NBPF26: variants seen among roughly 807,000 people sequenced by gnomAD.
NBPF26 encodes the protein NBPF family member NBPF26.
Under a neutral mutation model 119.6 loss-of-function variants are expected in NBPF26, and 79 were observed. The observed-to-expected ratio is 0.66, with a 90% CI of 0.55 to 0.80. The LOEUF is 0.80. Ranked by LOEUF, NBPF26 falls within the 30% of genes least tolerant of loss-of-function variation. The probability of loss-of-function intolerance (pLI) is 0.00; values close to 1 mark genes in which losing one functional copy is unlikely to be tolerated. For synonymous variants in NBPF26, 299 were observed against 457.7 expected (o/e 0.65, Z 4.43); for missense variants, 800 against 1,198.2 (o/e 0.67, Z 4.91).
intron 1 of NBPF26, among the ~76,000 whole-genome samples, chr1:120,737,864 GTTT>G (rs1650922704): frequency 9.5e-6 from 1 of 105,544 alleles, no homozygotes; most frequent in Non-Finnish European, 1.8e-5. Flanking sequence ...TGGTTGTCAG[GTTT>G]TTATTTTGTT....
At position 120,793,801 on chromosome 1, in the gene NBPF26, A is replaced by T. The variant is rs1350306581; in HGVS notation, c.751+305A>T. On this transcript the variant is annotated intron_variant, in intron 4 of 29. Transcript: ENST00000620612. Reference sequence around the variant, plus strand: ...CTGGGAAAGAGACAGGCAAGTCTGGAATGGAAAAGAACACGATGAGAATTA... The same window carrying T: ...CTGGGAAAGAGACAGGCAAGTCTGGTATGGAAAAGAACACGATGAGAATTA... The T allele has an allele frequency of 1.2e-4, 124 of 996,380 alleles. 26 individuals are homozygous for T. Among genetic ancestry groups the T allele is most frequent in the Non-Finnish European group, 1.6e-4 (109 of 677,664 alleles). 61.7% of individuals were successfully genotyped at this position (996,380 alleles called of 1,614,324 possible).
At chr1:120,840,295 C>T in intron 29 of NBPF26, 55 bp from the exon 36 acceptor site, 2 of 1,444,646 alleles carry the variant, frequency 1.4e-6, no homozygotes, top group Non-Finnish European at 1.8e-6. Context: ...TCTAGTGGGG[C>T]TCTGTGGTGT....
chr1:120,823,940 C>A lies in NBPF26; in HGVS notation c.2640-34C>A, dbSNP rs1477518234. On this transcript the variant is annotated intron_variant, in intron 17 of 29. Coordinates refer to ENST00000620612, the Ensembl canonical transcript of NBPF26. The stretch of plus-strand genomic sequence containing the variant: ...GGGGCTGTGTGGTTTCTGATTCCCC[C>A]TGGCTTATTCTTTACTTTTTCCCAC... 2.9e-5 allele frequency: 16 copies of A among 547,952 alleles called. 1 individual carries two copies. The highest frequency in any genetic ancestry group is 2.1e-4 in the East Asian group (7 of 33,850). 33.9% of individuals were successfully genotyped at this position (547,952 alleles called of 1,614,324 possible).
chr1:120,777,754 G>T (rs1651315056), intron 2 of NBPF26, among the ~76,000 whole-genome samples: 1 of 96,440 alleles, frequency 1.0e-5, no homozygotes, highest in Non-Finnish European at 1.9e-5. Flanking sequence ...CTCTTTACCA[G>T]GAAGTTAACT....
chr1:120,807,150 T>C (rs1312441737), intron 5 of NBPF26, among the ~76,000 whole-genome samples: 1 of 129,572 alleles, frequency 7.7e-6, no homozygotes, highest in Non-Finnish European at 1.6e-5. Flanking sequence ...AAATGAAATA[T>C]TTTTAAAGTC....
rs1651882003 is a variant in NBPF26 at position 120,812,047 on chromosome 1, T to TAGAA, written c.1726_1727insAGAA (p.Phe576Ter). ...GTTCAGAAACCTCAAAGAGAAATGTTTTCTAACTCAACTGGCCGGCTTCCT... is the reference window on the plus strand; with the variant it reads ...GTTCAGAAACCTCAAAGAGAAATGTTAGAATTCTAACTCAACTGGCCGGCTTCCT... On this transcript the variant is annotated stop_gained and frameshift_variant, in exon 10 of 30. Coordinates refer to ENST00000620612, the Ensembl canonical transcript of NBPF26. LOFTEE classifies it high-confidence loss of function. The TAGAA allele has an allele frequency of 2.3e-6, 3 of 1,286,190 alleles. 1 individual carries two copies. The African/African-American group carries it at 8.6e-5, about 37-fold the overall frequency. The allele number at this position is 1,286,190 out of a possible 1,614,324, so 79.7% of individuals were successfully genotyped here. A position where few individuals can be genotyped will look rare whatever the true frequency, so the allele number is the denominator to read the frequency against.
In NBPF26 at chr1:120,823,305, G is replaced by C; in HGVS notation, c.2588-4G>C. ...TAAGAGGGCCCATCTGAATTTATTT[G>C]CAGGACATCGGTGGGATCAAGTGAA... is the stretch of plus-strand genomic sequence containing the variant. On this transcript the variant is annotated splice_region_variant and splice_polypyrimidine_tract_variant and intron_variant, in intron 16 of 29. Transcript: ENST00000620612. The C allele has an allele frequency of 2.2e-6, 3 of 1,379,272 alleles. 1 individual carries two copies. The highest frequency in any genetic ancestry group is 2.9e-6 in the Non-Finnish European group (3 of 1,030,106). 85.4% of individuals were successfully genotyped at this position (1,379,272 alleles called of 1,614,324 possible). A position where few individuals can be genotyped will look rare whatever the true frequency, so the allele number is the denominator to read the frequency against.
intron 3 of NBPF26, among the ~76,000 whole-genome samples, chr1:120,791,735 A>T (rs1372499720): frequency 1.5e-5 from 1 of 64,700 alleles, no homozygotes; most frequent in Non-Finnish European, 2.6e-5. Flanking sequence ...AACATGGCAC[A>T]TATATACATA....
intron 14 of NBPF26, 39 bp downstream of exon 14, chr1:120,816,866 G>A (rs1652018995): frequency 6.9e-7 from 1 of 1,450,986 alleles, no homozygotes; most frequent in African/African-American, 2.5e-5. Flanking sequence ...CCTCTTTCTT[G>A]GCTGAGGAAG....
rs1652199832 is a variant in NBPF26, at chr1:120,824,039, A to G, written c.2705A>G (p.Tyr902Cys). 1.8e-5 allele frequency: 10 copies of G among 562,892 alleles called. 2 individuals are homozygous for G. The highest frequency in any genetic ancestry group is 2.8e-5 in the Non-Finnish European group (9 of 325,710). 34.9% of individuals were successfully genotyped at this position (562,892 alleles called of 1,614,324 possible). ...TTGCAGGACTCACTGGATAGATGTT[A>G]TTCAACTCCTTCAGGTTGTCTTGAA... Residue 902 changes from tyrosine (Y) to cysteine (C), a missense_variant, in exon 18 of 30, where the codon TAT (tyrosine) becomes TGT (cysteine). By Grantham distance (194) the Tyr-to-Cys change is radical. Around this residue, in one of 13 missense-constraint regions of NBPF26, gnomAD observed 73 missense variants for 50.7 expected, o/e 1.44. Transcript: ENST00000620612.
exon 3 of NBPF26, chr1:120,785,068 A>G: frequency 6.9e-7 from 1 of 1,446,076 alleles, no homozygotes; most frequent in Non-Finnish European, 9.2e-7. Context: ...GGCCCAGGCC[A>G]TGCTGGGGAA....
Position 120,789,545 on chromosome 1 carries a change from A to C in NBPF26, c.416-3616A>C, listed in dbSNP as rs1419579583. Among the ~76,000 whole-genome samples the C allele has an allele frequency of 1.4e-4, 15 of 106,904 alleles. 1 individual carries two copies. The highest frequency in any genetic ancestry group is 4.0e-3 in the Middle Eastern group (1 of 250). 70.1% of individuals were successfully genotyped at this position (106,904 alleles called of 152,430 possible). A position where few individuals can be genotyped will look rare whatever the true frequency, so the allele number is the denominator to read the frequency against. ...TCAGATCTCATGAGACTTATTCACT[A>C]TCATGAGAATAGCACAGGAAAGACT... is the stretch of plus-strand genomic sequence containing the variant. On this transcript the variant is annotated intron_variant, in intron 3 of 29. Transcript: ENST00000620612.
chr1:120,820,446 AAAT>A (rs1157583430), intron 15 of NBPF26, among the ~76,000 whole-genome samples: 5 of 22,156 alleles, frequency 2.3e-4, no homozygotes, highest in African/African-American at 8.7e-4. Flanking sequence ...AAAGTATTAA[AAAT>A]ATATATATAT....
intron 1 of NBPF26, among the ~76,000 whole-genome samples, chr1:120,743,826 T>A (rs1294029255): frequency 7.9e-6 from 1 of 126,958 alleles, no homozygotes; most frequent in Non-Finnish European, 1.6e-5. Flanking sequence ...ATTTAACAAA[T>A]AGGTTTTGCA....
intron 5 of NBPF26, among the ~76,000 whole-genome samples, chr1:120,806,737 A>C (rs1399564675): frequency 8.3e-6 from 1 of 120,964 alleles, no homozygotes; most frequent in African/African-American, 4.0e-5. Context: ...GTGTGGAAGC[A>C]GCAGTGCAGT....
rs1243931895 is a variant in NBPF26, at chr1:120,806,413, AG to A, written c.961+649del. Among the ~76,000 whole-genome samples, 6 of 108,084 alleles carry A rather than the reference AG, an allele frequency of 5.6e-5. 1 individual carries two copies. The East Asian group carries it at 1.3e-3, about 23-fold the overall frequency. The allele number at this position is 108,084 out of a possible 152,430, so 70.9% of individuals were successfully genotyped here. A position where few individuals can be genotyped will look rare whatever the true frequency, so the allele number is the denominator to read the frequency against. On this transcript the variant is annotated intron_variant, in intron 5 of 29. Transcript: ENST00000620612. The stretch of plus-strand genomic sequence containing the variant: ...TTTGAGACTAGCCTGGGCAACATGG[AG>A]AAACCCCATCTCCACTAAAAATACA...
chr1:120,760,180 C>CTTTT (rs1161423259), intron 1 of NBPF26, among the ~76,000 whole-genome samples: 2 of 15,166 alleles, frequency 1.3e-4, no homozygotes, highest in Admixed American at 4.9e-4. Context: ...TCTACCACAG[C>CTTTT]TTTTTTTTTT....
chr1:120,760,989 G>C (rs1485868387), intron 1 of NBPF26, among the ~76,000 whole-genome samples: 1 of 125,394 alleles, frequency 8.0e-6, no homozygotes, highest in East Asian at 2.2e-4. Flanking sequence ...ACTAAAGTTT[G>C]AGAACCATGG....
chr1:120,824,377 C>G (rs1384556876), intron 18 of NBPF26, among the ~76,000 whole-genome samples: 1 of 118,902 alleles, frequency 8.4e-6, no homozygotes, highest in Non-Finnish European at 1.6e-5. Flanking sequence ...GCACCCTAAT[C>G]CTACTCTCAT....
Sources: allele counts gnomAD v4.1 joint callset (sites outside exome capture counted in the v4.1 genomes callset), GRCh38; gene constraint gnomAD v4.1.1; regional missense constraint gnomAD v4.1.1; transcripts MANE v1.5; gene names NCBI Gene and HGNC (gene_info 2026-07-23, HGNC 2026-07-21).